TEP1: variants seen among roughly 807,000 people sequenced by gnomAD.
The protein encoded by TEP1 is telomerase protein component 1.
TEP1 carries 241 observed loss-of-function variants against 306.3 expected under a neutral mutation model. The observed-to-expected ratio is 0.79, with a 90% CI of 0.71 to 0.88. The LOEUF (loss-of-function observed/expected upper bound fraction) is 0.88, where lower values mean the gene tolerates loss of function less well. TEP1 is among the 40% of genes least tolerant of loss of function. The pLI, the probability that TEP1 is intolerant of heterozygous loss-of-function variation, is 0.00. For synonymous variants in TEP1, 1,289 were observed against 1,305.5 expected (o/e 0.99, Z 0.27); for missense variants, 3,051 against 3,276.1 (o/e 0.93, Z 1.68).
intron 1 of TEP1, among the ~76,000 whole-genome samples, chr14:20,408,787 T>G (rs1392699249): frequency 6.6e-6 from 1 of 150,840 alleles, no homozygotes; most frequent in East Asian, 1.9e-4. Context: ...GGCAACACGG[T>G]GAAACCTCAT....
chr14:20,405,402 C>T, intron 4 of TEP1, 49 bp downstream of exon 4: 1 of 1,606,348 alleles, frequency 6.2e-7, no homozygotes. Flanking sequence ...TAACCACACT[C>T]CCAGTCTACC....
At chr14:20,409,763 G>A (rs550852154) in intron 1 of TEP1, among the ~76,000 whole-genome samples, 73 of 152,228 alleles carry the variant, frequency 4.8e-4, no homozygotes, top group African/African-American at 1.7e-3. Flanking sequence ...GCTCACGCCT[G>A]TAATCCCAGC....
chr14:20,390,867 C>T, intron 14 of TEP1, 71 bp downstream of exon 14: 1 of 1,610,338 alleles, frequency 6.2e-7, no homozygotes, highest in Non-Finnish European at 8.5e-7. Flanking sequence ...TGTGCCTTTA[C>T]CAAATATCTG....
Position 20,373,584 on chromosome 14 carries a change from C to A in TEP1, c.6605-1G>T. ...AGAAGCTCTGACCCAGGCTGTCCAG[C>A]TGATAAGACACAGAGACTGAGTCAG... On this transcript the variant is annotated splice_acceptor_variant, in intron 45 of 54. Coordinates refer to ENST00000262715, the MANE Select transcript of TEP1 (RefSeq NM_007110.5). LOFTEE classifies it high-confidence loss of function. The A allele has an allele frequency of 1.2e-6, 2 of 1,614,192 alleles. No individual in the cohort carries two copies. The highest frequency in any genetic ancestry group is 1.7e-6 in the Non-Finnish European group (2 of 1,180,034).
At position 20,369,713 on chromosome 14, in the gene TEP1, T is replaced by C; in HGVS notation, c.7384A>G (p.Arg2462Gly). Reference sequence around the variant, plus strand: ...GCTTGAGTTATCGATATTAGGGTCCTACTAGGATTCTCTAAGTTTATATCA... The same window carrying C: ...GCTTGAGTTATCGATATTAGGGTCCCACTAGGATTCTCTAAGTTTATATCA... ...NFDINLENPSRTLISITQAKP... is the reference protein window; with the variant it reads ...NFDINLENPSGTLISITQAKP... The change falls in exon 52 of 55, where the codon AGG (arginine) becomes GGG (glycine). Residue 2462 changes from arginine to glycine, a missense_variant. Physicochemically the swap from Arg to Gly is moderately radical, Grantham distance 125. This residue lies in a region of TEP1 where 1,540 missense variants were observed against 1,705.9 expected (regional missense o/e 0.90). Coordinates refer to ENST00000262715, the MANE Select transcript of TEP1 (RefSeq NM_007110.5). 1 of 1,614,190 alleles carries C rather than the reference T, an allele frequency of 6.2e-7. No homozygotes were observed. Among genetic ancestry groups the C allele is most frequent in the Non-Finnish European group, 8.5e-7 (1 of 1,180,028 alleles).
rs775675757 is a variant in TEP1 at position 20,368,442 on chromosome 14, C to A, written c.7879G>T (p.Glu2627Ter). ...VQGNVYFLNW[E>*] is the part of the protein sequence containing the mutation. ...TATTCCCGAGTGGCACATCTTCATT[C>A]CCAATTCAGAAAGTACACATTGCCC... The change falls in exon 55 of 55, where the codon GAA (glutamate) becomes TAA (stop). Residue 2627 changes from glutamate to a stop codon, truncating the protein, a stop_gained. Coordinates refer to ENST00000262715, the MANE Select transcript of TEP1 (RefSeq NM_007110.5). LOFTEE classifies it high-confidence loss of function. 1.2e-6 allele frequency: 2 copies of A among 1,614,112 alleles called. No individual in the cohort carries two copies. Among genetic ancestry groups the A allele is most frequent in the Non-Finnish European group, 1.7e-6 (2 of 1,179,996 alleles).
At position 20,377,660 on chromosome 14, in the gene TEP1, C is replaced by A. The variant is rs1340278205; in HGVS notation, c.5815G>T (p.Gly1939Cys). 3.1e-6 allele frequency: 5 copies of A among 1,614,052 alleles called. No homozygotes were observed. The highest frequency in any genetic ancestry group is 4.2e-6 in the Non-Finnish European group (5 of 1,180,042). Residue 1939 changes from glycine to cysteine, a missense_variant, in exon 40 of 55, where the codon GGT becomes TGT. This residue lies in a region of TEP1 where 1,540 missense variants were observed against 1,705.9 expected (regional missense o/e 0.90). Transcript: ENST00000262715. Reference protein sequence around the residue: ...PALSVALSPDGDRVAVGYRAD... With the variant: ...PALSVALSPDCDRVAVGYRAD... ...CGATATCCAACAGCCACCCGATCAC[C>A]ATCTGGGCTGAGTGCCACAGAGAGG...
chr14:20,404,543 C>T, intron 5 of TEP1, 68 bp downstream of exon 5: 5 of 1,529,492 alleles, frequency 3.3e-6, no homozygotes, highest in Non-Finnish European at 4.4e-6. Flanking sequence ...GAATTTTCTC[C>T]AAGGATGCAG....
rs1337456561 is a variant in TEP1 at position 20,405,432 on chromosome 14, C to T, written c.870+19G>A. 1.9e-6 allele frequency: 3 copies of T among 1,613,366 alleles called. No homozygotes were observed. In the Admixed American group the frequency reaches 5.0e-5, roughly 27 times the overall value. On this transcript the variant is annotated intron_variant, in intron 4 of 54. Coordinates refer to ENST00000262715, the MANE Select transcript of TEP1 (RefSeq NM_007110.5). ...TCTACCAGCTTCACACCCCCATCCC[C>T]TCCTTCACACCTCAATACCTTGAGG... is the stretch of plus-strand genomic sequence containing the variant.
Position 20,381,099 on chromosome 14 carries a change from A to T in TEP1, c.4648-54T>A, listed in dbSNP as rs1876484823. On this transcript the variant is annotated intron_variant, in intron 32 of 54. Transcript: ENST00000262715. This position sits in a 1 kb window ranked among gnomAD's most constrained non-coding sequence, Gnocchi z 4.0. Reference sequence around the variant, plus strand: ...GATATGAAGGGGCTGGTGAGAAGGGACAGTTTAGTCTCAGAACCTGGATAC... The same window carrying T: ...GATATGAAGGGGCTGGTGAGAAGGGTCAGTTTAGTCTCAGAACCTGGATAC... 1.4e-6 allele frequency: 2 copies of T among 1,460,260 alleles called. No homozygotes were observed. Among genetic ancestry groups the T allele is most frequent in the African/African-American group, 2.8e-5 (2 of 71,838 alleles). The allele number at this position is 1,460,260 out of a possible 1,614,324, so 90.5% of individuals were successfully genotyped here.
intron 5 of TEP1, among the ~76,000 whole-genome samples, chr14:20,404,400 T>G (rs570556557): frequency 1.3e-5 from 2 of 152,160 alleles, no homozygotes; most frequent in African/African-American, 4.8e-5. Context: ...AAGACCATTT[T>G]TTTTTCTCAA....
intron 27 of TEP1, 41 bp downstream of exon 27, chr14:20,383,116 GTCCTCATAGCTCCCAGA>G: frequency 6.6e-7 from 1 of 1,521,490 alleles, no homozygotes; most frequent in Non-Finnish European, 8.8e-7. Context: ...GGCACCCCAG[GTCCTCATAGCTCCCAGA>G]TTCACCCCAC....
chr14:20,393,179 T>C (rs1877877230), intron 12 of TEP1, among the ~76,000 whole-genome samples: 1 of 150,218 alleles, frequency 6.7e-6, no homozygotes, highest in Non-Finnish European at 1.5e-5. Context: ...ATTGTGCCAC[T>C]GCACTCCAGC....
chr14:20,380,380 A>T lies in TEP1; in HGVS notation c.4858T>A (p.Tyr1620Asn). 1 of 1,614,206 alleles carries T rather than the reference A, an allele frequency of 6.2e-7. No individual in the cohort carries two copies. Among genetic ancestry groups the T allele is most frequent in the Non-Finnish European group, 8.5e-7 (1 of 1,180,042 alleles). ...GCCTGCTGGGGCAGGAGCCGGGGGT[A>T]CTGGCTGAGGATTGAAGCCTGCTGC... ...LRQQASILSQ[Y>N]PRLLPQQAAN... is the part of the protein sequence containing the mutation. Residue 1620 changes from tyrosine to asparagine, a missense_variant, in exon 34 of 55, where the codon TAC (tyrosine) becomes AAC (asparagine). Transcript: ENST00000262715.
Position 20,391,716 on chromosome 14 carries a change from C to G in TEP1, c.1980G>C (p.Glu660Asp), listed in dbSNP as rs777586109. Residue 660 changes from glutamate to aspartate, a missense_variant, in exon 13 of 55, where the codon GAG becomes GAC. Transcript: ENST00000262715. ...GCTTCACAGAGAGGTTCACAGCTGT[C>G]TCTAGGGCCTGTCGGTACCTGTTCA... The part of the protein sequence containing the change: ...EMLNRYRQAL[E>D]TAVNLSVKHS... 6.2e-7 allele frequency: 1 copy of G among 1,614,220 alleles called. No homozygotes were observed. Among genetic ancestry groups the G allele is most frequent in the South Asian group, 1.1e-5 (1 of 91,086 alleles).
chr14:20,393,262 A>G (rs1280293008), intron 12 of TEP1, among the ~76,000 whole-genome samples: 2 of 152,084 alleles, frequency 1.3e-5, no homozygotes, highest in Non-Finnish European at 2.9e-5. Flanking sequence ...TAAAATCTAG[A>G]TAATCACTGA....
rs529294427 is a variant in TEP1, at chr14:20,389,455, T to A, written c.2465+155A>T. ...TGGACTCTCACAGAGGGGTACAGAGTTAGGCTAAAGTATCCACCTGAAGTG... is the reference window on the plus strand; with the variant it reads ...TGGACTCTCACAGAGGGGTACAGAGATAGGCTAAAGTATCCACCTGAAGTG... On this transcript the variant is annotated intron_variant, in intron 16 of 54. Transcript: ENST00000262715. 6.6e-5 allele frequency among the ~76,000 whole-genome samples: 10 copies of A among 152,156 alleles called. No individual in the cohort carries two copies. The South Asian group carries it at 2.1e-3, about 32-fold the overall frequency.
At chr14:20,388,182 TCC>T in intron 17 of TEP1, 119 bp from the exon 18 acceptor site, 1 of 1,080,134 alleles carries the variant, frequency 9.3e-7, no homozygotes. Flanking sequence ...TAAGTCAAGC[TCC>T]TTAAGAAGAG....
At chr14:20,403,124 C>T (rs949335531) in intron 7 of TEP1, among the ~76,000 whole-genome samples, 7 of 141,510 alleles carry the variant, frequency 4.9e-5, no homozygotes, top group Non-Finnish European at 9.0e-5. Context: ...GCCACTGCAG[C>T]TCTCCAGCCT....
Sources: gnomAD v4.1 joint callset for allele counts (sites outside exome capture counted in the v4.1 genomes callset) on GRCh38, gnomAD v4.1.1 for gene constraint, gnomAD v4.1.1 regional missense constraint, Gnocchi (gnomAD v3.1) non-coding constraint, MANE v1.5 for transcripts, NCBI Gene and HGNC (gene_info 2026-07-23, HGNC 2026-07-21) for gene names.